Variants in CDH18 observed in about 807,000 individuals in gnomAD.
CDH18 encodes the protein cadherin 18, also known as cadherin-18.
A neutral mutation model predicts 67.9 loss-of-function variants in CDH18; 31 were observed. The ratio of observed to expected loss-of-function variants is 0.46; its 90% CI spans 0.34 to 0.62. CDH18 has a LOEUF of 0.62. CDH18 is among the 20% of genes least tolerant of loss of function. The pLI, the probability that CDH18 is intolerant of heterozygous loss-of-function variation, is 0.01. For missense variants in CDH18, 890 were observed against 975.5 expected (o/e 0.91, Z 1.17); for synonymous variants, 362 against 347.2 (o/e 1.04, Z -0.48).
Position 19,747,924 on chromosome 5 carries a change from C to T in CDH18, c.229-688G>A, listed in dbSNP as rs368605605. Among the ~76,000 whole-genome samples the T allele has an allele frequency of 1.1e-4, 17 of 150,740 alleles. No individual in the cohort carries two copies. The East Asian group carries it at 2.9e-3, about 26-fold the overall frequency. On this transcript the variant is annotated intron_variant, in intron 3 of 12. Transcript: ENST00000382275. ...CAGATCGAGACCATCCTGGCTAACA[C>T]GGTGAAACTCCGTCTCTACTAAAAA... is the stretch of plus-strand genomic sequence containing the variant.
At chr5:20,130,034 A>AT (rs1378921252) in intron 2 of CDH18, among the ~76,000 whole-genome samples, 1 of 149,498 alleles carries the variant, frequency 6.7e-6, no homozygotes, top group Non-Finnish European at 1.5e-5. Flanking sequence ...GAAAGTACCT[A>AT]TACAGATAAT....
chr5:20,049,511 T>A (rs764279046), intron 2 of CDH18, among the ~76,000 whole-genome samples: 1 of 151,666 alleles, frequency 6.6e-6, no homozygotes, highest in South Asian at 2.1e-4. Context: ...AAAACGTACA[T>A]AAAATGTTAA....
chr5:20,356,137 C>A (rs866056721), intron 1 of CDH18, among the ~76,000 whole-genome samples: 19 of 152,202 alleles, frequency 1.2e-4, no homozygotes, highest in Non-Finnish European at 8.8e-5. Flanking sequence ...AATCCCAGCA[C>A]TTTGGGAGGC....
At chr5:19,744,503 T>TATAC (rs1554021136) in intron 4 of CDH18, among the ~76,000 whole-genome samples, 2 of 146,270 alleles carry the variant, frequency 1.4e-5, no homozygotes, top group Non-Finnish European at 3.0e-5. Flanking sequence ...TAACTCAGTG[T>TATAC]ACACACACAC....
At chr5:19,982,093 A>C (rs12659953) in intron 1 of CDH18, among the ~76,000 whole-genome samples, 64,953 of 152,056 alleles carry the variant, frequency 0.43, 16,171 homozygotes, top group Middle Eastern at 0.64. Flanking sequence ...TTTTGCTTTA[A>C]AAAATTTCTA....
intron 1 of CDH18, among the ~76,000 whole-genome samples, chr5:20,345,950 G>C (rs115834874): frequency 6.6e-6 from 1 of 152,292 alleles, no homozygotes; most frequent in South Asian, 2.1e-4. Context: ...TCACTTTACT[G>C]TCACCACAAT....
intron 2 of CDH18, among the ~76,000 whole-genome samples, chr5:19,880,361 T>TG (rs1787504718): frequency 6.6e-6 from 1 of 152,078 alleles, no homozygotes; most frequent in East Asian, 1.9e-4. Context: ...CAGAGGTGAA[T>TG]GCAAATCGAG....
At chr5:19,647,164 C>T (rs182525283) in intron 5 of CDH18, among the ~76,000 whole-genome samples, 150 of 152,060 alleles carry the variant, frequency 9.9e-4, no homozygotes, top group African/African-American at 3.2e-3. Context: ...ACATCCCTAA[C>T]GTAAGGGCAA....
chr5:20,155,481 T>G (rs1230709953), intron 2 of CDH18, among the ~76,000 whole-genome samples: 1 of 152,146 alleles, frequency 6.6e-6, no homozygotes, highest in Non-Finnish European at 1.5e-5. Context: ...TATTAGCCCT[T>G]TGTTGGATGT....
At chr5:20,279,950 A>G (rs1746117335) in intron 1 of CDH18, among the ~76,000 whole-genome samples, 1 of 151,918 alleles carries the variant, frequency 6.6e-6, no homozygotes, top group South Asian at 2.1e-4. Context: ...GATAACTCTC[A>G]AGTATAGTCC....
intron 2 of CDH18, among the ~76,000 whole-genome samples, chr5:19,967,071 T>C (rs116033542): frequency 0.011 from 1,603 of 151,886 alleles, 27 homozygotes; most frequent in African/African-American, 0.036. Flanking sequence ...TCTGAAGCAG[T>C]ATGCACTACA....
At chr5:19,959,040 T>A (rs188012482) in intron 2 of CDH18, among the ~76,000 whole-genome samples, 2 of 152,188 alleles carry the variant, frequency 1.3e-5, no homozygotes, top group East Asian at 3.9e-4. Context: ...ATGGTAAACG[T>A]TTTTTAAAAT....
At chr5:19,679,290 G>C (rs573586311) in intron 5 of CDH18, among the ~76,000 whole-genome samples, 53 of 152,060 alleles carry the variant, frequency 3.5e-4, no homozygotes, top group African/African-American at 1.3e-3. Context: ...ACTAGGCATT[G>C]AAGGAACATA....
intron 1 of CDH18, among the ~76,000 whole-genome samples, chr5:20,491,528 G>T (rs985851685): frequency 3.3e-5 from 5 of 152,320 alleles, no homozygotes; most frequent in Admixed American, 6.5e-5. Flanking sequence ...GGCAGGTGGA[G>T]ACCAAGGAAA....
intron 1 of CDH18, among the ~76,000 whole-genome samples, chr5:20,345,304 G>A (rs551641935): frequency 1.1e-4 from 17 of 152,210 alleles, no homozygotes; most frequent in African/African-American, 4.1e-4. Context: ...CTCTGCTTCT[G>A]TGGTAATTCT....
chr5:19,860,268 TTGC>T (rs1784753888), intron 2 of CDH18, among the ~76,000 whole-genome samples: 1 of 152,144 alleles, frequency 6.6e-6, no homozygotes, highest in Admixed American at 6.6e-5. Context: ...GCATCCAGTG[TTGC>T]TAATATGAGC....
At chr5:19,857,277 G>T (rs1288594220) in intron 2 of CDH18, among the ~76,000 whole-genome samples, 2 of 151,292 alleles carry the variant, frequency 1.3e-5, no homozygotes, top group Non-Finnish European at 1.5e-5. Context: ...TTGAAGCAAT[G>T]ATTTCTGTCA....
intron 1 of CDH18, among the ~76,000 whole-genome samples, chr5:20,292,924 A>T (rs892670680): frequency 3.9e-5 from 6 of 152,182 alleles, no homozygotes; most frequent in African/African-American, 1.4e-4. Flanking sequence ...CTTATTTCCA[A>T]ATAAGGTTTC....
At chr5:20,365,190 T>C (rs1052145453) in intron 1 of CDH18, among the ~76,000 whole-genome samples, 6 of 152,144 alleles carry the variant, frequency 3.9e-5, no homozygotes, top group Non-Finnish European at 7.4e-5. Context: ...TCCTGGCTTG[T>C]AGATGGCTGC....
Sources: gnomAD v4.1 joint callset for allele counts (sites outside exome capture counted in the v4.1 genomes callset) on GRCh38, gnomAD v4.1.1 for gene constraint, MANE v1.5 for transcripts, NCBI Gene and HGNC (gene_info 2026-07-23, HGNC 2026-07-21) for gene names.